Variants in ITGA8 observed in about 807,000 individuals in gnomAD.
ITGA8 encodes integrin alpha-8.
In ITGA8, 91 loss-of-function variants were observed where a neutral mutation model predicts 142.3. That is an observed-to-expected ratio of 0.64 (90% CI 0.54 to 0.76). The LOEUF is 0.76. Ranked by LOEUF, ITGA8 falls within the 30% of genes least tolerant of loss-of-function variation. The pLI, the probability that ITGA8 is intolerant of heterozygous loss-of-function variation, is 0.00. For synonymous variants in ITGA8, 505 were observed against 485.2 expected (o/e 1.04, Z -0.54); for missense variants, 1,406 against 1,327.7 (o/e 1.06, Z -0.92).
rs564025237 is a variant in ITGA8, at chr10:15,616,541, A to C, written c.1418T>G (p.Phe473Cys). The C allele has an allele frequency of 6.2e-7, 1 of 1,612,376 alleles. No individual in the cohort carries two copies. The highest frequency in any genetic ancestry group is 1.7e-5 in the Admixed American group (1 of 60,030). ...NDYPDLIVGA[F>C]GTGKVAVYRA... ...GTAAACAGCGACTTTTCCTGTTCCAAATGCACCCACAATCAAATCTTAAAA... is the reference window on the plus strand; with the variant it reads ...GTAAACAGCGACTTTTCCTGTTCCACATGCACCCACAATCAAATCTTAAAA... The change falls in exon 14 of 30, where the codon TTT becomes TGT. Residue 473 changes from phenylalanine to cysteine, a missense_variant. By Grantham distance (205) the Phe-to-Cys change is radical. Transcript: ENST00000378076.
At position 15,660,743 on chromosome 10, in the gene ITGA8, G is replaced by A. The variant is rs891391525; in HGVS notation, c.891+136C>T. On this transcript the variant is annotated intron_variant, in intron 9 of 29. Coordinates refer to ENST00000378076, the MANE Select transcript of ITGA8 (RefSeq NM_003638.3). ...GTAGGTTAGGTAAGCTATGATGTTC[G>A]GTGGATTAGGTGTATTAAGTGTGTT... The A allele has an allele frequency of 8.0e-5, 55 of 691,670 alleles. No individual in the cohort carries two copies. In the Admixed American group the frequency reaches 9.0e-4, roughly 11 times the overall value. The allele number at this position is 691,670 out of a possible 1,614,324, so 42.8% of individuals were successfully genotyped here.
intron 26 of ITGA8, among the ~76,000 whole-genome samples, chr10:15,554,247 A>G (rs1003646660): frequency 1.1e-4 from 16 of 151,998 alleles, no homozygotes; most frequent in African/African-American, 3.9e-4. Flanking sequence ...TTCCTTAAAA[A>G]CTCATGAGCC....
At chr10:15,627,730 G>T (rs1453563640) in intron 13 of ITGA8, among the ~76,000 whole-genome samples, 2 of 152,136 alleles carry the variant, frequency 1.3e-5, no homozygotes, top group East Asian at 3.9e-4. Flanking sequence ...CAGCCTTGGA[G>T]GTTGTTTTTA....
At chr10:15,713,747 A>AC (rs767561480) in intron 2 of ITGA8, among the ~76,000 whole-genome samples, 3 of 151,884 alleles carry the variant, frequency 2.0e-5, no homozygotes, top group Non-Finnish European at 1.5e-5. Flanking sequence ...AATAAAACAG[A>AC]CCCCCCAAAA....
chr10:15,592,471 C>T (rs895873116), intron 21 of ITGA8, among the ~76,000 whole-genome samples, 167 bp from the exon 22 acceptor site: 1 of 152,200 alleles, frequency 6.6e-6, no homozygotes, highest in Non-Finnish European at 1.5e-5. Flanking sequence ...GAACTACAGG[C>T]CCCAGAAGAT....
At chr10:15,668,969 A>T (rs1834453064) in intron 8 of ITGA8, among the ~76,000 whole-genome samples, 1 of 151,974 alleles carries the variant, frequency 6.6e-6, no homozygotes, top group Non-Finnish European at 1.5e-5. Flanking sequence ...CTTCATTTCA[A>T]CTTTGGTGAA....
At chr10:15,528,506 CTTTT>C (rs35960573) in intron 28 of ITGA8, among the ~76,000 whole-genome samples, 9 of 127,236 alleles carry the variant, frequency 7.1e-5, no homozygotes, top group African/African-American at 1.2e-4. Context: ...GATAAAAAGT[CTTTT>C]TTTTTTTTTT....
At chr10:15,550,239 G>A (rs1293928144) in intron 26 of ITGA8, among the ~76,000 whole-genome samples, 27 of 152,146 alleles carry the variant, frequency 1.8e-4, no homozygotes, top group Admixed American at 1.8e-3. Context: ...TAGCCATGTG[G>A]AATCGTGAGC....
rs779317555 is a variant in ITGA8, at chr10:15,646,994, G to A, written c.1059C>T (p.Asn353=). 1.4e-5 allele frequency: 23 copies of A among 1,613,894 alleles called. No homozygotes were observed. The highest frequency in any genetic ancestry group is 1.9e-5 in the Non-Finnish European group (22 of 1,180,008). The change falls in exon 12 of 30, where the codon AAC becomes AAT. Residue 353 remains asparagine (N), a synonymous_variant. Transcript: ENST00000378076. ...PLFMEREFES[N]PREVGQIYLY... Reference sequence around the variant, plus strand: ...GGTAGATTTGCCCTACTTCTCTGGGGTTGCTCTCAAATTCACGTTCCATAA... The same window carrying A: ...GGTAGATTTGCCCTACTTCTCTGGGATTGCTCTCAAATTCACGTTCCATAA...
At chr10:15,553,512 T>G (rs1833829324) in intron 26 of ITGA8, among the ~76,000 whole-genome samples, 1 of 152,158 alleles carries the variant, frequency 6.6e-6, no homozygotes, top group African/African-American at 2.4e-5. Flanking sequence ...TTTAACCATT[T>G]TAAAGTGTGC....
chr10:15,709,180 G>T (rs978423064), intron 2 of ITGA8, among the ~76,000 whole-genome samples: 4 of 152,216 alleles, frequency 2.6e-5, no homozygotes, highest in African/African-American at 9.6e-5. Context: ...CAACTCAGTT[G>T]ACATAAAACC....
intron 9 of ITGA8, among the ~76,000 whole-genome samples, chr10:15,659,882 C>A (rs964435884): frequency 4.6e-5 from 7 of 152,150 alleles, no homozygotes; most frequent in African/African-American, 1.7e-4. Flanking sequence ...ACAGAGAACC[C>A]TCCTATCATA....
Position 15,548,487 on chromosome 10 carries a change from T to A in ITGA8, c.2848A>T (p.Arg950Trp). 6.2e-7 allele frequency: 1 copy of A among 1,609,516 alleles called. No individual in the cohort carries two copies. Among genetic ancestry groups the A allele is most frequent in the Non-Finnish European group, 8.5e-7 (1 of 1,178,608 alleles). The change falls in exon 27 of 30, where the codon AGG (arginine) becomes TGG (tryptophan). Residue 950 changes from arginine (R) to tryptophan (W), a missense_variant. Transcript: ENST00000378076. Reference sequence around the variant, plus strand: ...AAGGTGTGGGCCCATAATCGTGACCTGACTTTCAGGACTGCGCTTTCTCCT... The same window carrying A: ...AAGGTGTGGGCCCATAATCGTGACCAGACTTTCAGGACTGCGCTTTCTCCT... ...EGGESAVLKV[R>W]SRLWAHTFLQ...
intron 2 of ITGA8, among the ~76,000 whole-genome samples, chr10:15,713,120 C>A (rs1835391117): frequency 6.6e-6 from 1 of 152,210 alleles, no homozygotes; most frequent in African/African-American, 2.4e-5. Context: ...TACCAAGGTT[C>A]AGTTGTGTTC....
chr10:15,710,932 G>A (rs778541256), intron 2 of ITGA8, among the ~76,000 whole-genome samples: 1 of 152,130 alleles, frequency 6.6e-6, no homozygotes, highest in Admixed American at 6.5e-5. Flanking sequence ...CTGATACAGG[G>A]TTTTTTGCAA....
chr10:15,589,916 C>G (rs1264678736), intron 22 of ITGA8, among the ~76,000 whole-genome samples: 1 of 152,036 alleles, frequency 6.6e-6, no homozygotes, highest in Admixed American at 6.6e-5. Flanking sequence ...GCGTGCACCA[C>G]CACACCCAGC....
intron 3 of ITGA8, among the ~76,000 whole-genome samples, chr10:15,687,110 G>A (rs1168833504): frequency 3.3e-5 from 5 of 152,132 alleles, no homozygotes; most frequent in Admixed American, 2.6e-4. Flanking sequence ...TAACTGGAGA[G>A]GGCTGTATAC....
At chr10:15,660,978 C>T (rs745383161) in intron 8 of ITGA8, 56 bp from the exon 9 acceptor site, 2 of 1,391,910 alleles carry the variant, frequency 1.4e-6, no homozygotes, top group Non-Finnish European at 2.0e-6. Context: ...CAAACACACA[C>T]ACACACGCCA....
intron 14 of ITGA8, among the ~76,000 whole-genome samples, chr10:15,615,334 G>C (rs918723913): frequency 1.3e-5 from 2 of 152,284 alleles, no homozygotes; most frequent in African/African-American, 4.8e-5. Context: ...AACCCTCTCT[G>C]AGTTTGTCTT....
Sources: gnomAD v4.1 joint callset for allele counts (sites outside exome capture counted in the v4.1 genomes callset) on GRCh38, gnomAD v4.1.1 for gene constraint, MANE v1.5 for transcripts, NCBI Gene and HGNC (gene_info 2026-07-23, HGNC 2026-07-21) for gene names.